REPS2: variants seen among roughly 807,000 people sequenced by gnomAD.
REPS2 encodes RALBP1 associated Eps domain containing 2.
A neutral mutation model predicts 53.6 loss-of-function variants in REPS2; 23 were observed. The observed-to-expected ratio is 0.43, with a 90% confidence interval of 0.31 to 0.61. REPS2 has a LOEUF of 0.61. REPS2 is among the 20% of genes least tolerant of loss of function. REPS2 has a pLI of 0.11. For missense variants in REPS2, 446 were observed against 534.9 expected, an observed-to-expected ratio of 0.83 and a Z score of 1.64; for synonymous variants, 238 against 218.6, an observed-to-expected ratio of 1.09 and a Z score of -0.78.
At chrX:17,085,537 A>G (rs2062521792) in intron 13 of REPS2, among the ~76,000 whole-genome samples, 1 of 111,874 alleles carries the variant, frequency 8.9e-6, no homozygotes, top group Non-Finnish European at 1.9e-5. Flanking sequence ...ATTTATTTAG[A>G]TCTTTAAGTG....
intron 8 of REPS2, among the ~76,000 whole-genome samples, chrX:17,058,995 T>G (rs2062114329): frequency 9.1e-6 from 1 of 110,012 alleles, no homozygotes; most frequent in African/African-American, 3.3e-5. Flanking sequence ...AGTGTTTTTC[T>G]TTTTTCTTTC....
intron 13 of REPS2, among the ~76,000 whole-genome samples, chrX:17,086,931 A>G (rs2062544748): frequency 8.9e-6 from 1 of 112,019 alleles, no homozygotes; most frequent in South Asian, 3.7e-4. Context: ...CCCAAGAGGG[A>G]TATGGATATG....
the REPS2 span, among the ~76,000 whole-genome samples, chrX:17,195,626 T>C: frequency 8.9e-6 from 1 of 112,233 alleles, no homozygotes; most frequent in Non-Finnish European, 1.9e-5. Context: ...GGAAATGAAA[T>C]TGTCATTAAC....
intron 14 of REPS2, among the ~76,000 whole-genome samples, chrX:17,104,551 G>A (rs760708142): frequency 5.4e-5 from 6 of 111,638 alleles, no homozygotes; most frequent in Admixed American, 9.5e-5. Context: ...ATTGTTCTGG[G>A]TGGTTCAGAG....
In REPS2 at chrX:17,140,004, C is replaced by G. The variant is rs139680209; in HGVS notation, c.1914+1043C>G. 7.9e-3 allele frequency among the ~76,000 whole-genome samples: 879 copies of G among 111,747 alleles called. 12 individuals carry two copies. The highest frequency in any genetic ancestry group is 0.028 in the African/African-American group (851 of 30,769). ...GGACATGATTCTACCCACTATATCCCCCAGTTCTCTACTGGATCATTCGCC... is the reference window on the plus strand; with the variant it reads ...GGACATGATTCTACCCACTATATCCGCCAGTTCTCTACTGGATCATTCGCC... On this transcript the variant is annotated intron_variant, in intron 17 of 17. Coordinates refer to ENST00000357277, the MANE Select transcript of REPS2 (RefSeq NM_004726.3).
chrX:16,962,276 TACACACACACACACAC>T (rs61520216), intron 1 of REPS2, among the ~76,000 whole-genome samples: 46 of 81,858 alleles, frequency 5.6e-4, no homozygotes, highest in South Asian at 5.3e-3. Context: ...TATCGTGGGA[TACACACACACACACAC>T]ACACACACAC....
intron 2 of REPS2, 50 bp from the exon 3 acceptor site, chrX:17,022,073 A>G: frequency 7.2e-6 from 8 of 1,117,491 alleles, no homozygotes; most frequent in East Asian, 6.1e-5. Flanking sequence ...CCTTTTTTGC[A>G]GTTTTTAAAT....
At chrX:17,065,797 G>C (rs1239527100) in intron 9 of REPS2, among the ~76,000 whole-genome samples, 1 of 111,222 alleles carries the variant, frequency 9.0e-6, no homozygotes, top group Non-Finnish European at 1.9e-5. Flanking sequence ...ATGTTGGCCA[G>C]GATGGTCTTG....
intron 14 of REPS2, among the ~76,000 whole-genome samples, chrX:17,125,557 G>T (rs1603088533): frequency 1.8e-5 from 2 of 112,680 alleles, no homozygotes; most frequent in African/African-American, 6.4e-5. Context: ...TTTATAAAAA[G>T]TTCCCCAGAT....
chrX:17,062,329 G>A lies in REPS2; in HGVS notation c.1115-109G>A, dbSNP rs773742018. 1.8e-5 allele frequency: 10 copies of A among 545,685 alleles called. No individual in the cohort carries two copies. In the African/African-American group the frequency reaches 2.1e-4, roughly 12 times the overall value. 45.0% of individuals were successfully genotyped at this position (545,685 alleles called of 1,213,427 possible). On this transcript the variant is annotated intron_variant, in intron 8 of 17. Transcript: ENST00000357277. ...TGAATGCCATATGTGGTCTATCAGA[G>A]CTAGCTGATTTTGTTGTTATATTTA... is the stretch of plus-strand genomic sequence containing the variant.
At chrX:17,176,314 G>C in the REPS2 span, among the ~76,000 whole-genome samples, 1 of 111,324 alleles carries the variant, frequency 9.0e-6, no homozygotes, top group Non-Finnish European at 1.9e-5. Flanking sequence ...TTTTAATACA[G>C]ATTTACCCAC....
intron 14 of REPS2, among the ~76,000 whole-genome samples, chrX:17,114,682 A>G (rs1396653280): frequency 8.9e-6 from 1 of 112,522 alleles, no homozygotes; most frequent in African/African-American, 3.2e-5. Flanking sequence ...GTGATAAGAC[A>G]TATATTGCAT....
intron 13 of REPS2, among the ~76,000 whole-genome samples, chrX:17,096,442 G>A (rs2062698918): frequency 9.2e-6 from 1 of 109,107 alleles, no homozygotes; most frequent in South Asian, 4.0e-4. Context: ...GGCGGATCAC[G>A]AGGTCAGGAG....
chrX:17,173,954 C>T, the REPS2 span, among the ~76,000 whole-genome samples: 1 of 110,461 alleles, frequency 9.1e-6, no homozygotes, highest in African/African-American at 3.3e-5. Context: ...TTTTAGCAAA[C>T]TAACCTAAGT....
chrX:17,173,805 T>C, the REPS2 span, among the ~76,000 whole-genome samples: 3 of 112,090 alleles, frequency 2.7e-5, no homozygotes. Flanking sequence ...CATAGGCCCT[T>C]AATTATTCCA....
intron 14 of REPS2, among the ~76,000 whole-genome samples, chrX:17,123,800 G>A (rs1265025688): frequency 8.9e-6 from 1 of 112,331 alleles, no homozygotes; most frequent in African/African-American, 3.2e-5. Flanking sequence ...CCTGCTTTGT[G>A]GGATCTGCTT....
intron 13 of REPS2, among the ~76,000 whole-genome samples, chrX:17,084,539 T>A (rs966081908): frequency 2.7e-5 from 3 of 112,415 alleles, no homozygotes; most frequent in African/African-American, 9.7e-5. Flanking sequence ...GGATTCCAAT[T>A]GTGTTTCTTC....
At chrX:16,960,854 A>G (rs1283271074) in intron 1 of REPS2, among the ~76,000 whole-genome samples, 1 of 112,369 alleles carries the variant, frequency 8.9e-6, no homozygotes, top group Non-Finnish European at 1.9e-5. Context: ...CCCATTTATG[A>G]TAACATAAAA....
chrX:17,028,071 A>T (rs761732805), intron 4 of REPS2, among the ~76,000 whole-genome samples: 13 of 111,454 alleles, frequency 1.2e-4, no homozygotes, highest in African/African-American at 4.2e-4. Context: ...TCTTCATCCA[A>T]GCCCTACTGA....
Sources: allele counts gnomAD v4.1 joint callset (sites outside exome capture counted in the v4.1 genomes callset), GRCh38; gene constraint gnomAD v4.1.1; transcripts MANE v1.5; gene names NCBI Gene and HGNC (gene_info 2026-07-23, HGNC 2026-07-21).